The following ERGIC1 variants were observed in gnomAD, a reference collection of about 807,000 sequenced individuals.
The protein encoded by ERGIC1 is endoplasmic reticulum-golgi intermediate compartment 1, also known as endoplasmic reticulum-Golgi intermediate compartment protein 1.
In ERGIC1, 19 loss-of-function variants were observed where a neutral mutation model predicts 38.3. The observed-to-expected ratio is 0.50, with a 90% CI of 0.35 to 0.73. The LOEUF is 0.73. ERGIC1 is among the 30% of genes least tolerant of loss of function. ERGIC1 has a pLI of 0.01. For missense variants in ERGIC1, 294 were observed against 389.2 expected (o/e 0.76, Z 2.06); for synonymous variants, 124 against 157.6 (o/e 0.79, Z 1.60).
At chr5:172,867,815 A>G (rs1293850919) in intron 1 of ERGIC1, among the ~76,000 whole-genome samples, 1 of 152,250 alleles carries the variant, frequency 6.6e-6, no homozygotes, top group Non-Finnish European at 1.5e-5. Context: ...CACAGTGAGC[A>G]GTTGACCTTT....
At position 172,842,575 on chromosome 5, in the gene ERGIC1, T is replaced by C. The variant is rs370136969; in HGVS notation, c.20+8142T>C. ...GATCCTATGGTAGCTCTATTTTTAA[T>C]TTGTTGAGAAATCTTCCTCCTGTTT... On this transcript the variant is annotated intron_variant, in intron 1 of 9. Coordinates refer to ENST00000393784, the MANE Select transcript of ERGIC1 (RefSeq NM_001031711.3). Among the ~76,000 whole-genome samples the C allele has an allele frequency of 4.9e-4, 75 of 152,312 alleles. No individual in the cohort carries two copies. The South Asian group carries it at 5.6e-3, about 11-fold the overall frequency.
chr5:172,906,812 G>A (rs1763038831), intron 3 of ERGIC1, among the ~76,000 whole-genome samples: 1 of 152,120 alleles, frequency 6.6e-6, no homozygotes, highest in Non-Finnish European at 1.5e-5. Context: ...CCTAGGCCAG[G>A]CCTTTAGATT....
intron 9 of ERGIC1, among the ~76,000 whole-genome samples, chr5:172,945,011 G>A (rs575716178): frequency 2.6e-5 from 4 of 152,286 alleles, no homozygotes; most frequent in African/African-American, 9.6e-5. Flanking sequence ...CCCACCCATT[G>A]GCTCCTCATT....
intron 3 of ERGIC1, among the ~76,000 whole-genome samples, chr5:172,900,616 G>A (rs984064272): frequency 9.9e-5 from 15 of 151,998 alleles, no homozygotes; most frequent in African/African-American, 3.6e-4. Flanking sequence ...AGGCTGAGGT[G>A]GGAGGATCAC....
chr5:172,885,970 G>T (rs1464370042), intron 1 of ERGIC1, among the ~76,000 whole-genome samples: 3 of 152,054 alleles, frequency 2.0e-5, no homozygotes, highest in African/African-American at 7.2e-5. Context: ...CACTCAGAAG[G>T]TCTGGCCTCC....
intron 1 of ERGIC1, among the ~76,000 whole-genome samples, chr5:172,840,098 T>C (rs1409204952): frequency 2.6e-5 from 4 of 152,182 alleles, no homozygotes; most frequent in Non-Finnish European, 4.4e-5. Flanking sequence ...TCTGAAATGG[T>C]CTTTAAAGAC....
intron 1 of ERGIC1, among the ~76,000 whole-genome samples, chr5:172,885,973 T>C (rs1762407586): frequency 6.6e-6 from 1 of 152,142 alleles, no homozygotes; most frequent in Admixed American, 6.5e-5. Flanking sequence ...TCAGAAGGTC[T>C]GGCCTCCTGA....
At chr5:172,850,869 A>G (rs542263051) in intron 1 of ERGIC1, among the ~76,000 whole-genome samples, 8 of 152,262 alleles carry the variant, frequency 5.3e-5, no homozygotes, top group African/African-American at 1.7e-4. Flanking sequence ...ATTGAATTTT[A>G]TGTCAGCATT....
In ERGIC1 at chr5:172,909,823, G is replaced by A. The variant is rs1278289177; in HGVS notation, c.250+62G>A. ...ACCTCCTTAGGGCAAATGTGTGTGTGCAGAAATGGCAAGATCTCCAGGACA... is the reference window on the plus strand; with the variant it reads ...ACCTCCTTAGGGCAAATGTGTGTGTACAGAAATGGCAAGATCTCCAGGACA... On this transcript the variant is annotated intron_variant, in intron 4 of 9. Transcript: ENST00000393784. The A allele has an allele frequency of 1.1e-5, 16 of 1,418,284 alleles. No individual in the cohort carries two copies. In the Admixed American group the frequency reaches 2.5e-4, roughly 22 times the overall value. The allele number at this position is 1,418,284 out of a possible 1,614,324, so 87.9% of individuals were successfully genotyped here. A position where few individuals can be genotyped will look rare whatever the true frequency, so the allele number is the denominator to read the frequency against.
intron 9 of ERGIC1, among the ~76,000 whole-genome samples, chr5:172,947,181 C>T (rs1764140539): frequency 2.8e-5 from 1 of 35,614 alleles, no homozygotes; most frequent in Non-Finnish European, 5.7e-5. Flanking sequence ...GAGACTCAAT[C>T]TCAAAAAAAA....
At chr5:172,843,892 G>T (rs1347046410) in intron 1 of ERGIC1, among the ~76,000 whole-genome samples, 1 of 152,212 alleles carries the variant, frequency 6.6e-6, no homozygotes, top group Non-Finnish European at 1.5e-5. Flanking sequence ...TCTTTGCGGG[G>T]ATTTTGTGAG....
chr5:172,834,313 C>T lies in ERGIC1; in HGVS notation c.-101C>T. ...TGGCGAGTGTCAGGGGGGCGGCCGG[C>T]GGGGGCGGGGCGGCCGGAGGAGGCG... On this transcript the variant is annotated 5_prime_UTR_variant, in exon 1 of 10. Coordinates refer to ENST00000393784, the MANE Select transcript of ERGIC1 (RefSeq NM_001031711.3). This position sits in a 1 kb window ranked among gnomAD's most constrained non-coding sequence, Gnocchi z 4.1. 3 of 1,088,730 alleles carry T rather than the reference C, an allele frequency of 2.8e-6. No homozygotes were observed. The highest frequency in any genetic ancestry group is 4.6e-5 in the East Asian group (1 of 21,682). 67.4% of individuals were successfully genotyped at this position (1,088,730 alleles called of 1,614,324 possible).
At chr5:172,838,043 G>T (rs1165726771) in intron 1 of ERGIC1, among the ~76,000 whole-genome samples, 1 of 152,190 alleles carries the variant, frequency 6.6e-6, no homozygotes, top group Non-Finnish European at 1.5e-5. Flanking sequence ...AGGCCTCGGG[G>T]GTGCCGCTGC....
In ERGIC1 at chr5:172,834,316, G is replaced by A; in HGVS notation, c.-98G>A. 1.8e-6 allele frequency: 2 copies of A among 1,117,622 alleles called. No homozygotes were observed. Among genetic ancestry groups the A allele is most frequent in the Non-Finnish European group, 2.2e-6 (2 of 904,916 alleles). The allele number at this position is 1,117,622 out of a possible 1,614,324, so 69.2% of individuals were successfully genotyped here. On this transcript the variant is annotated 5_prime_UTR_variant, in exon 1 of 10. Transcript: ENST00000393784. The surrounding 1 kb of genome is among the most constrained non-coding windows in gnomAD (Gnocchi z 4.1). ...CGAGTGTCAGGGGGGCGGCCGGCGG[G>A]GGCGGGGCGGCCGGAGGAGGCGTTG...
chr5:172,951,116 G>A lies in ERGIC1; in HGVS notation c.*300G>A, dbSNP rs150294249. 1,493 of 269,778 alleles carry A rather than the reference G, an allele frequency of 5.5e-3. 25 individuals are homozygous for A. The highest frequency in any genetic ancestry group is 0.031 in the African/African-American group (1,399 of 45,448). 16.7% of individuals were successfully genotyped at this position (269,778 alleles called of 1,614,324 possible). ...CTTGGGGACCCCTCCTAGGAGAGCT[G>A]CAGTCTCTTCCCTCAGGGGAACATC... On this transcript the variant is annotated 3_prime_UTR_variant, in exon 10 of 10. Transcript: ENST00000393784.
intron 2 of ERGIC1, among the ~76,000 whole-genome samples, chr5:172,895,829 G>A (rs765806232): frequency 6.6e-6 from 1 of 152,142 alleles, no homozygotes; most frequent in Non-Finnish European, 1.5e-5. Flanking sequence ...GGAATAGCAT[G>A]CAGCTCTCTG....
At chr5:172,912,144 AT>A (rs1183110179) in intron 4 of ERGIC1, among the ~76,000 whole-genome samples, 1 of 151,710 alleles carries the variant, frequency 6.6e-6, no homozygotes, top group Admixed American at 6.6e-5. Flanking sequence ...GAGTAAAATA[AT>A]AACAGCTGCC....
At position 172,867,783 on chromosome 5, in the gene ERGIC1, G is replaced by A. The variant is rs978522959; in HGVS notation, c.21-20916G>A. On this transcript the variant is annotated intron_variant, in intron 1 of 9. Transcript: ENST00000393784. ...CTGCGCTCAGCAGGGCTATTCACAG[G>A]AAGCACAGAGGACCTCTCCTTCACA... 9.0e-5 allele frequency: 15 copies of A among 165,796 alleles called. No individual in the cohort carries two copies. In the South Asian group the frequency reaches 1.9e-3, roughly 21 times the overall value. 10.3% of individuals were successfully genotyped at this position (165,796 alleles called of 1,614,324 possible).
At chr5:172,878,602 A>G (rs1762204578) in intron 1 of ERGIC1, among the ~76,000 whole-genome samples, 1 of 152,062 alleles carries the variant, frequency 6.6e-6, no homozygotes, top group Non-Finnish European at 1.5e-5. Flanking sequence ...TCCTCCCTCA[A>G]AGTTGCTCCA....
Sources: gnomAD v4.1 joint callset for allele counts (sites outside exome capture counted in the v4.1 genomes callset) on GRCh38, gnomAD v4.1.1 for gene constraint, Gnocchi (gnomAD v3.1) non-coding constraint, MANE v1.5 for transcripts, NCBI Gene and HGNC (gene_info 2026-07-23, HGNC 2026-07-21) for gene names.